Variants in AGBL2 observed in about 807,000 individuals in gnomAD.
AGBL2 encodes cytosolic carboxypeptidase 2.
In AGBL2, 87 loss-of-function variants were observed where a neutral mutation model predicts 103.0. The ratio of observed to expected loss-of-function variants is 0.84; its 90% CI spans 0.71 to 1.01. The LOEUF (loss-of-function observed/expected upper bound fraction) is 1.01, where lower values mean the gene tolerates loss of function less well. AGBL2 is among the 50% of genes least tolerant of loss of function. AGBL2 has a pLI of 0.00. For missense variants in AGBL2, 904 were observed against 1,023.5 expected (o/e 0.88, Z 1.59); for synonymous variants, 335 against 356.7 (o/e 0.94, Z 0.69).
chr11:47,661,297 G>T (rs933468018), intron 18 of AGBL2, among the ~76,000 whole-genome samples: 3 of 152,112 alleles, frequency 2.0e-5, no homozygotes, highest in Non-Finnish European at 2.9e-5. Context: ...CTGGGATATG[G>T]TTTTTGCTAC....
intron 18 of AGBL2, 121 bp downstream of exon 18, chr11:47,662,905 C>G (rs932073842): frequency 1.2e-6 from 1 of 842,228 alleles, no homozygotes; most frequent in Non-Finnish European, 1.9e-6. Context: ...CTGCGCAGAA[C>G]GAATCCGAGA....
intron 11 of AGBL2, among the ~76,000 whole-genome samples, chr11:47,682,869 T>C (rs1292242135): frequency 6.6e-6 from 1 of 152,108 alleles, no homozygotes; most frequent in Non-Finnish European, 1.5e-5. Flanking sequence ...GCATTTCTGC[T>C]TCATGGAGGG....
intron 8 of AGBL2, among the ~76,000 whole-genome samples, chr11:47,693,048 G>C (rs1445247384): frequency 2.0e-5 from 3 of 151,730 alleles, no homozygotes; most frequent in Non-Finnish European, 2.9e-5. Flanking sequence ...TTGAACTCCA[G>C]GGCCCAAGCG....
chr11:47,691,729 A>AAAAAAAAAAAAATATATATATATATAT, intron 9 of AGBL2, among the ~76,000 whole-genome samples: 1 of 4,854 alleles, frequency 2.1e-4, no homozygotes, highest in African/African-American at 7.2e-4. Flanking sequence ...AAAAAAAAAA[A>AAAAAAAAAAAAATATATATATATATAT]ATATATATAT....
rs185894238 is a variant in AGBL2 at position 47,674,528 on chromosome 11, C to T, written c.2147+2743G>A. Among the ~76,000 whole-genome samples, 72 of 147,336 alleles carry T rather than the reference C, an allele frequency of 4.9e-4. No homozygotes were observed. The Middle Eastern group carries it at 0.018, about 36-fold the overall frequency. ...GTTGCAGTGAGCTGAGATCGTGCCACTGCACTCCAGCCTGGGTGACAGAGC... is the reference window on the plus strand; with the variant it reads ...GTTGCAGTGAGCTGAGATCGTGCCATTGCACTCCAGCCTGGGTGACAGAGC... On this transcript the variant is annotated intron_variant, in intron 14 of 18. Transcript: ENST00000525123.
intron 17 of AGBL2, among the ~76,000 whole-genome samples, chr11:47,665,060 CT>C (rs1208227651): frequency 5.6e-4 from 80 of 143,932 alleles, no homozygotes; most frequent in East Asian, 1.4e-3. Flanking sequence ...TTTTTTTCTT[CT>C]TTTTTTTTTT....
intron 14 of AGBL2, among the ~76,000 whole-genome samples, chr11:47,676,888 C>T (rs1405414086): frequency 1.3e-5 from 2 of 151,790 alleles, no homozygotes; most frequent in African/African-American, 2.4e-5. Context: ...CTTCCAAAGG[C>T]TTTCCATCTC....
chr11:47,670,359 C>A (rs1460402705), intron 14 of AGBL2, among the ~76,000 whole-genome samples: 1 of 152,094 alleles, frequency 6.6e-6, no homozygotes, highest in Non-Finnish European at 1.5e-5. Flanking sequence ...GGTGGTGCCT[C>A]CTGTGGTCCC....
Position 47,680,076 on chromosome 11 carries a change from G to T in AGBL2, c.1916-3C>A. The T allele has an allele frequency of 6.6e-7, 1 of 1,510,412 alleles. No homozygotes were observed. Among genetic ancestry groups the T allele is most frequent in the Non-Finnish European group, 9.1e-7 (1 of 1,104,144 alleles). 93.6% of individuals were successfully genotyped at this position (1,510,412 alleles called of 1,614,324 possible). A position where few individuals can be genotyped will look rare whatever the true frequency, so the allele number is the denominator to read the frequency against. On this transcript the variant is annotated splice_polypyrimidine_tract_variant and splice_region_variant and intron_variant, in intron 12 of 18. Transcript: ENST00000525123. ...AAAGTGGGTGTCTCTTTTATTACCT[G>T]GAAAAAAAAAAAACCCCGCAAACAT...
chr11:47,703,452 A>G lies in AGBL2; in HGVS notation c.586+1091T>C, dbSNP rs956092688. ...AGTGTAACTTGATTTTGGTGAGTTT[A>G]TATCAGTTTCTCACAGTTTAATTTT... On this transcript the variant is annotated intron_variant, in intron 7 of 18. Coordinates refer to ENST00000525123, the MANE Select transcript of AGBL2 (RefSeq NM_024783.4). 3.7e-4 allele frequency among the ~76,000 whole-genome samples: 57 copies of G among 152,336 alleles called. 1 individual carries two copies. The highest frequency in any genetic ancestry group is 7.1e-4 in the Non-Finnish European group (48 of 68,034).
Position 47,660,108 on chromosome 11 carries a change from A to G in AGBL2, c.*65T>C. On this transcript the variant is annotated 3_prime_UTR_variant, in exon 19 of 19. Transcript: ENST00000525123. ...CAGTTCCCAGTCATACATCTCCCCC[A>G]TTATAAAATGTGTCTAATCTCAAAA... 6.6e-7 allele frequency: 1 copy of G among 1,513,078 alleles called. No homozygotes were observed. 93.7% of individuals were successfully genotyped at this position (1,513,078 alleles called of 1,614,324 possible).
Position 47,668,889 on chromosome 11 carries a change from A to T in AGBL2, c.2166T>A (p.Ser722Arg). 1 of 1,612,788 alleles carries T rather than the reference A, an allele frequency of 6.2e-7. No homozygotes were observed. The highest frequency in any genetic ancestry group is 8.5e-7 in the Non-Finnish European group (1 of 1,179,094). ...GAACAGGAAGACCATCTGAGAGAGA[A>T]CTGTCAGAGCCACTGGTGCTGTTTC... ...DIESSTSGSD[S>R]SLSDGLPVHL... Residue 722 changes from serine (S) to arginine (R), a missense_variant, in exon 15 of 19, where the codon AGT (serine) becomes AGA (arginine). Ser to Arg is a moderately radical substitution (Grantham distance 110, BLOSUM62 -1). Transcript: ENST00000525123.
At chr11:47,712,847 G>A in intron 3 of AGBL2, among the ~76,000 whole-genome samples, 1 of 152,132 alleles carries the variant, frequency 6.6e-6, no homozygotes, top group East Asian at 1.9e-4. Flanking sequence ...GACCAGCCTG[G>A]CCAACATGGT....
chr11:47,663,699 G>C (rs571889292), intron 17 of AGBL2, among the ~76,000 whole-genome samples: 1 of 151,646 alleles, frequency 6.6e-6, no homozygotes, highest in African/African-American at 2.4e-5. Context: ...TGGGATTACA[G>C]GCATGCGCCA....
At chr11:47,679,233 C>T (rs923650934) in intron 13 of AGBL2, among the ~76,000 whole-genome samples, 13 of 151,638 alleles carry the variant, frequency 8.6e-5, no homozygotes, top group East Asian at 1.9e-4. Context: ...AGCCTGGGAA[C>T]GGAAAAACCC....
intron 11 of AGBL2, among the ~76,000 whole-genome samples, chr11:47,684,817 T>C (rs1271223905): frequency 2.0e-5 from 3 of 152,194 alleles, no homozygotes; most frequent in Non-Finnish European, 4.4e-5. Flanking sequence ...ACCTTTCCTA[T>C]GAAGACTCAT....
At chr11:47,664,693 G>A (rs2097336581) in intron 17 of AGBL2, among the ~76,000 whole-genome samples, 4 of 152,024 alleles carry the variant, frequency 2.6e-5, no homozygotes, top group African/African-American at 9.7e-5. Flanking sequence ...TTGCAGGCAT[G>A]AGCCACTGTG....
chr11:47,708,070 C>A (rs538104092), intron 4 of AGBL2, among the ~76,000 whole-genome samples: 1 of 151,330 alleles, frequency 6.6e-6, no homozygotes, highest in African/African-American at 2.4e-5. Flanking sequence ...CAGATTTAGT[C>A]ATCTTTTTTT....
chr11:47,703,856 C>T (rs1289209483), intron 7 of AGBL2, among the ~76,000 whole-genome samples: 4 of 140,556 alleles, frequency 2.8e-5, no homozygotes, highest in Non-Finnish European at 6.0e-5. Context: ...ACCTGCGAGG[C>T]GGAGGTTGCA....
Sources: gnomAD v4.1 joint callset for allele counts (sites outside exome capture counted in the v4.1 genomes callset) on GRCh38, gnomAD v4.1.1 for gene constraint, MANE v1.5 for transcripts, NCBI Gene and HGNC (gene_info 2026-07-23, HGNC 2026-07-21) for gene names.